UBXN2A: variants seen among roughly 807,000 people sequenced by gnomAD.
UBXN2A encodes the protein UBX domain protein 2A, also known as UBX domain-containing protein 2A.
Under a neutral mutation model 28.4 loss-of-function variants are expected in UBXN2A, and 28 were observed. That is an observed-to-expected ratio of 0.99 (90% CI 0.73 to 1.35). The LOEUF (loss-of-function observed/expected upper bound fraction) is 1.35. Among genes scored for constraint, UBXN2A ranks in the 40% most tolerant of loss-of-function variants. The probability of loss-of-function intolerance (pLI) is 0.00; values close to 1 mark genes in which losing one functional copy is unlikely to be tolerated. For synonymous variants in UBXN2A, 97 were observed against 103.6 expected, an observed-to-expected ratio of 0.94 and a Z score of 0.39; for missense variants, 253 against 297.9, an observed-to-expected ratio of 0.85 and a Z score of 1.11.
intron 1 of UBXN2A, among the ~76,000 whole-genome samples, chr2:23,930,236 G>A (rs576470594): frequency 3.2e-4 from 49 of 152,218 alleles, no homozygotes; most frequent in Middle Eastern, 3.4e-3. Context: ...CCAGGAGTTC[G>A]AAACCAGCCT....
At position 23,956,414 on chromosome 2, in the gene UBXN2A, G is replaced by A. The variant is rs376206039; in HGVS notation, c.-14-1887G>A. ...GTCACCAGAGTTGGAGTGCAGTGGC[G>A]CAGTCTCAGCTCACTGCAAGCTCCG... On this transcript the variant is annotated intron_variant, in intron 1 of 6. Transcript: ENST00000309033. 7.9e-5 allele frequency among the ~76,000 whole-genome samples: 12 copies of A among 152,002 alleles called. No homozygotes were observed. In the East Asian group the frequency reaches 1.4e-3, roughly 17 times the overall value.
intron 6 of UBXN2A, among the ~76,000 whole-genome samples, chr2:23,998,764 C>G (rs2150925729): frequency 6.6e-6 from 1 of 152,104 alleles, no homozygotes; most frequent in African/African-American, 2.4e-5. Flanking sequence ...GGGTCTCACC[C>G]TTTCATCCAG....
intron 2 of UBXN2A, among the ~76,000 whole-genome samples, chr2:23,965,448 T>C (rs2150852686): frequency 6.6e-6 from 1 of 152,354 alleles, no homozygotes; most frequent in South Asian, 2.1e-4. Flanking sequence ...TGTCTAATGC[T>C]TTTTCTGCAT....
intron 2 of UBXN2A, among the ~76,000 whole-genome samples, chr2:23,959,796 A>G (rs1706812086): frequency 1.3e-5 from 2 of 152,184 alleles, no homozygotes; most frequent in Admixed American, 6.5e-5. Context: ...AGGAAAGCTC[A>G]TTGGAGATGA....
intron 2 of UBXN2A, among the ~76,000 whole-genome samples, chr2:23,962,857 G>A (rs998275052): frequency 2.0e-5 from 3 of 151,996 alleles, no homozygotes; most frequent in East Asian, 1.9e-4. Flanking sequence ...TGATCCACCC[G>A]CCTTGGCATC....
Position 24,003,740 on chromosome 2 carries a change from AAAAAG to A in UBXN2A, c.*3875_*3879del, listed in dbSNP as rs1167377832. 8.6e-5 allele frequency: 13 copies of A among 151,426 alleles called. No individual in the cohort carries two copies. Among genetic ancestry groups the A allele is most frequent in the East Asian group, 2.1e-4 (1 of 4,684 alleles). The allele number at this position is 151,426 out of a possible 1,614,324, so 9.4% of individuals were successfully genotyped here. ...TGTTCTTACCAAAAAAAAAAAAAAA[AAAAAG>A]AGGCAATGATAAAATCAATGAGCTT... On this transcript the variant is annotated 3_prime_UTR_variant, in exon 7 of 7. Transcript: ENST00000309033.
intron 5 of UBXN2A, 23 bp from the exon 6 acceptor site, chr2:23,984,650 C>T (rs377452138): frequency 1.1e-5 from 16 of 1,442,324 alleles, no homozygotes; most frequent in Middle Eastern, 1.9e-4. Context: ...AAACGTCTAA[C>T]TTTGTTGTCT....
At chr2:23,947,836 T>C (rs1449587154) in intron 1 of UBXN2A, among the ~76,000 whole-genome samples, 1 of 152,142 alleles carries the variant, frequency 6.6e-6, no homozygotes, top group Non-Finnish European at 1.5e-5. Flanking sequence ...GTTCAATAAG[T>C]ATATAAAACA....
At chr2:23,936,868 G>A (rs940050074), upstream of UBXN2A, among the ~76,000 whole-genome samples, 11 of 149,964 alleles carry the variant, frequency 7.3e-5, no homozygotes, top group African/African-American at 2.2e-4. Flanking sequence ...CTGCCACCAC[G>A]CCTGGCTAAT....
At chr2:23,971,613 G>A (rs554662413) in intron 3 of UBXN2A, among the ~76,000 whole-genome samples, 199 bp downstream of exon 3, 4 of 151,996 alleles carry the variant, frequency 2.6e-5, no homozygotes, top group Admixed American at 6.6e-5. Context: ...CTCAGCATTC[G>A]CAGGTAGCCC....
upstream of UBXN2A, among the ~76,000 whole-genome samples, chr2:23,938,397 C>T (rs1006377128): frequency 3.3e-5 from 5 of 151,666 alleles, no homozygotes; most frequent in Non-Finnish European, 7.4e-5. Flanking sequence ...ACCTGGGAGG[C>T]GGAGGTTATA....
rs551486956 is a variant in UBXN2A at position 24,001,119 on chromosome 2, T to G, written c.*1252T>G. 1 of 152,394 alleles carries G rather than the reference T, an allele frequency of 6.6e-6. No homozygotes were observed. The highest frequency in any genetic ancestry group is 6.5e-5 in the Admixed American group (1 of 15,294). The allele number at this position is 152,394 out of a possible 1,614,324, so 9.4% of individuals were successfully genotyped here. ...AGATTCTCCTGCTCAGCCTCCCAAG[T>G]AGCTGGGATTACAGGCATGCGCCAC... is the stretch of plus-strand genomic sequence containing the variant. On this transcript the variant is annotated 3_prime_UTR_variant, in exon 7 of 7. Transcript: ENST00000309033.
chr2:23,994,193 A>G (rs1708450528), intron 6 of UBXN2A, among the ~76,000 whole-genome samples: 1 of 152,146 alleles, frequency 6.6e-6, no homozygotes, highest in African/African-American at 2.4e-5. Context: ...CTCTTTTGAA[A>G]GATATTAAGT....
At chr2:23,934,026 G>C (rs1299275973) in intron 1 of UBXN2A, among the ~76,000 whole-genome samples, 1 of 152,100 alleles carries the variant, frequency 6.6e-6, no homozygotes, top group Non-Finnish European at 1.5e-5. Flanking sequence ...GACCAGCCTG[G>C]CCAACATGGT....
intron 1 of UBXN2A, chr2:23,927,735 G>GAGT (rs553725131): frequency 4.8e-4 from 73 of 152,016 alleles, no homozygotes; most frequent in African/African-American, 1.7e-3. Flanking sequence ...GCCAAAGAAT[G>GAGT]AGTACCCTGT....
At chr2:23,960,701 T>C (rs1706864038) in intron 2 of UBXN2A, among the ~76,000 whole-genome samples, 1 of 152,082 alleles carries the variant, frequency 6.6e-6, no homozygotes, top group African/African-American at 2.4e-5. Flanking sequence ...GGCGTGATCT[T>C]GGCTCACTGC....
chr2:23,979,318 C>T (rs1349983903), intron 4 of UBXN2A, among the ~76,000 whole-genome samples: 2 of 151,918 alleles, frequency 1.3e-5, no homozygotes, highest in East Asian at 3.9e-4. Flanking sequence ...GCACTCCAGC[C>T]TGGGCGACAG....
In UBXN2A at chr2:23,966,377, C is replaced by T. The variant is rs572025818; in HGVS notation, c.42-4899C>T. ...GTCTTGATCTCTTGACCTCGTGATC[C>T]GCCCACCTTGGCCTCCCAAAGTGCT... On this transcript the variant is annotated intron_variant, in intron 2 of 6. Transcript: ENST00000309033. Among the ~76,000 whole-genome samples the T allele has an allele frequency of 1.6e-4, 25 of 151,832 alleles. 1 individual carries two copies. The South Asian group carries it at 5.2e-3, about 32-fold the overall frequency.
chr2:23,957,549 C>G (rs1003069400), intron 1 of UBXN2A, among the ~76,000 whole-genome samples: 5 of 152,136 alleles, frequency 3.3e-5, no homozygotes, highest in African/African-American at 1.2e-4. Context: ...AGTGATCCAC[C>G]CATGGCTGGG....
Sources: gnomAD v4.1 joint callset for allele counts (sites outside exome capture counted in the v4.1 genomes callset) on GRCh38, gnomAD v4.1.1 for gene constraint, MANE v1.5 for transcripts, NCBI Gene and HGNC (gene_info 2026-07-23, HGNC 2026-07-21) for gene names.